Variants in ABLIM1 observed in about 807,000 individuals in gnomAD.
The protein encoded by ABLIM1 is actin-binding LIM protein 1.
ABLIM1 carries 40 observed loss-of-function variants against 107.0 expected under a neutral mutation model. That is an observed-to-expected ratio of 0.37 (90% confidence interval 0.29 to 0.49). The LOEUF is 0.49. Among genes scored for constraint, ABLIM1 ranks in the 20% least tolerant of loss-of-function variants. The pLI is 0.97. For missense variants in ABLIM1, 857 were observed against 1,008.5 expected (o/e 0.85, Z 2.04); for synonymous variants, 357 against 357.3 (o/e 1.00, Z 0.01).
chr10:114,564,006 T>G (rs1365816480), intron 4 of ABLIM1, among the ~76,000 whole-genome samples: 1 of 149,200 alleles, frequency 6.7e-6, no homozygotes, highest in African/African-American at 2.5e-5. Context: ...CCATTATCAG[T>G]AATACAATCA....
intron 1 of ABLIM1, among the ~76,000 whole-genome samples, chr10:114,682,011 G>A (rs550596248): frequency 2.6e-5 from 4 of 152,256 alleles, no homozygotes; most frequent in African/African-American, 7.2e-5. Flanking sequence ...TAATCGGCAC[G>A]ATGCATTTTC....
chr10:114,729,490 A>G (rs907751680), intron 1 of ABLIM1, among the ~76,000 whole-genome samples: 1 of 152,152 alleles, frequency 6.6e-6, no homozygotes, highest in Non-Finnish European at 1.5e-5. Flanking sequence ...GCACAGTCCA[A>G]TTCCCAAATT....
intron 1 of ABLIM1, among the ~76,000 whole-genome samples, chr10:114,639,805 G>T (rs943027022): frequency 6.6e-6 from 1 of 152,234 alleles, no homozygotes; most frequent in African/African-American, 2.4e-5. Flanking sequence ...GTGAACAGAT[G>T]AGATGCGTGC....
At chr10:114,565,573 G>A (rs1304962244) in intron 4 of ABLIM1, among the ~76,000 whole-genome samples, 1 of 152,076 alleles carries the variant, frequency 6.6e-6, no homozygotes, top group Non-Finnish European at 1.5e-5. Context: ...CCTGACCCTA[G>A]GCACTCGGAA....
At chr10:114,602,099 G>T in intron 1 of ABLIM1, 138 bp from the exon 2 acceptor site, 1 of 1,158,662 alleles carries the variant, frequency 8.6e-7, no homozygotes, top group Non-Finnish European at 1.2e-6. Flanking sequence ...GTCCCTCCAA[G>T]TCATAATCCT....
At chr10:114,790,151 T>C in the ABLIM1 span, among the ~76,000 whole-genome samples, 1 of 151,932 alleles carries the variant, frequency 6.6e-6, no homozygotes. Flanking sequence ...TTGCAAATAT[T>C]TTCTACTAAC....
chr10:114,593,308 T>C (rs2075099059), intron 2 of ABLIM1, among the ~76,000 whole-genome samples: 1 of 152,202 alleles, frequency 6.6e-6, no homozygotes, highest in South Asian at 2.1e-4. Context: ...TCTGAGATTT[T>C]ACCCTACTTG....
At chr10:114,571,620 C>G (rs1242156381) in intron 3 of ABLIM1, among the ~76,000 whole-genome samples, 3 of 152,126 alleles carry the variant, frequency 2.0e-5, no homozygotes, top group Non-Finnish European at 4.4e-5. Flanking sequence ...TGTACTGGTT[C>G]TAAGGGCAAC....
chr10:114,681,302 T>C (rs184994117), intron 1 of ABLIM1, among the ~76,000 whole-genome samples: 1 of 152,198 alleles, frequency 6.6e-6, no homozygotes, highest in African/African-American at 2.4e-5. Flanking sequence ...TTCAAGTGAT[T>C]CTCCTGCCTC....
chr10:114,445,855 C>T (rs6585280), intron 15 of ABLIM1, among the ~76,000 whole-genome samples: 59,770 of 152,048 alleles, frequency 0.39, 11,640 homozygotes, highest in Middle Eastern at 0.42. Flanking sequence ...AGTGCAGCCT[C>T]GACCTCCAGG....
chr10:114,500,731 A>AAGGGAAGGGAAG (rs2060294367), intron 6 of ABLIM1, among the ~76,000 whole-genome samples: 1 of 73,018 alleles, frequency 1.4e-5, no homozygotes, highest in African/African-American at 6.0e-5. Flanking sequence ...AGGAAGGGAA[A>AAGGGAAGGGAAG]GGAAGGGAAG....
intron 2 of ABLIM1, among the ~76,000 whole-genome samples, chr10:114,596,253 A>G (rs990096751): frequency 1.4e-4 from 21 of 152,178 alleles, no homozygotes; most frequent in African/African-American, 5.1e-4. Context: ...CATGCTATGC[A>G]TCTCTCCATC....
At chr10:114,686,345 C>T (rs1182941458), upstream of ABLIM1, among the ~76,000 whole-genome samples, 3 of 151,562 alleles carry the variant, frequency 2.0e-5, no homozygotes, top group Non-Finnish European at 4.4e-5. Flanking sequence ...CTTGTCTCTA[C>T]TAAAAATTAA....
At chr10:114,577,341 A>C (rs1344950634) in intron 2 of ABLIM1, among the ~76,000 whole-genome samples, 1 of 152,196 alleles carries the variant, frequency 6.6e-6, no homozygotes, top group Non-Finnish European at 1.5e-5. Flanking sequence ...TTCCAAACTT[A>C]GGATTTCTCA....
At chr10:114,576,896 A>T (rs1264446712) in intron 2 of ABLIM1, among the ~76,000 whole-genome samples, 1 of 152,178 alleles carries the variant, frequency 6.6e-6, no homozygotes, top group East Asian at 1.9e-4. Flanking sequence ...TCCTGTGATC[A>T]TATTATCTGG....
chr10:114,601,684 A>G (rs2076017473), intron 2 of ABLIM1, 143 bp downstream of exon 2: 1 of 1,359,690 alleles, frequency 7.4e-7, no homozygotes, highest in Middle Eastern at 1.8e-4. Flanking sequence ...CTGAATCCCA[A>G]ACTGGCAGTA....
intron 1 of ABLIM1, among the ~76,000 whole-genome samples, chr10:114,625,117 C>G (rs1426240728): frequency 6.6e-6 from 1 of 152,126 alleles, no homozygotes; most frequent in Non-Finnish European, 1.5e-5. Context: ...TTGGTGGTGT[C>G]CCCTTTAAAA....
At chr10:114,672,174 C>G (rs971528870) in intron 1 of ABLIM1, among the ~76,000 whole-genome samples, 1 of 151,580 alleles carries the variant, frequency 6.6e-6, no homozygotes, top group Non-Finnish European at 1.5e-5. Flanking sequence ...CAACACCTAG[C>G]CAGGAGTTAT....
At chr10:114,717,318 CCTGT>C (rs752228632) in intron 1 of ABLIM1, among the ~76,000 whole-genome samples, 1 of 152,130 alleles carries the variant, frequency 6.6e-6, no homozygotes, top group Non-Finnish European at 1.5e-5. Flanking sequence ...TGTGGTCATT[CCTGT>C]CTATCACCCA....
Sources: allele counts gnomAD v4.1 joint callset (sites outside exome capture counted in the v4.1 genomes callset), GRCh38; gene constraint gnomAD v4.1.1; transcripts MANE v1.5; gene names NCBI Gene and HGNC (gene_info 2026-07-23, HGNC 2026-07-21).